Variants in ZNF701 observed in about 807,000 individuals in gnomAD.
ZNF701 encodes zinc finger protein 701.
A neutral mutation model predicts 7.1 loss-of-function variants in ZNF701; 6 were observed. The ratio of observed to expected loss-of-function variants is 0.84; its 90% CI spans 0.46 to 1.66. ZNF701 has a LOEUF of 1.66. Among genes scored for constraint, ZNF701 ranks in the 40% most tolerant of loss-of-function variants. The pLI is 0.01. For missense variants in ZNF701, 541 were observed against 559.2 expected, an observed-to-expected ratio of 0.97 and a Z score of 0.33; for synonymous variants, 166 against 188.2, an observed-to-expected ratio of 0.88 and a Z score of 0.97.
At position 52,582,432 on chromosome 19, in the gene ZNF701, C is replaced by T. The variant is rs780610486; in HGVS notation, c.373C>T (p.Arg125Ter). Reference sequence around the variant, plus strand: ...CAAAAAGTTGATGAGTAGTACAGAGCGACATGATCAAAGGCATGCTGGAAA... The same window carrying T: ...CAAAAAGTTGATGAGTAGTACAGAGTGACATGATCAAAGGCATGCTGGAAA... ...KTKKLMSSTE[R>*]HDQRHAGNKP... The change falls in exon 4 of 4, where the codon CGA becomes TGA. Residue 125 changes from arginine to a stop codon, truncating the protein, a stop_gained. Coordinates refer to ENST00000391785, the MANE Select transcript of ZNF701 (RefSeq NM_018260.3). LOFTEE classifies it low-confidence loss of function (END_TRUNC). The T allele has an allele frequency of 2.6e-5, 42 of 1,613,998 alleles. No individual in the cohort carries two copies. The Middle Eastern group carries it at 5.0e-4, about 19-fold the overall frequency.
chr19:52,592,240 AT>A, the ZNF701 span: 1 of 1,571,676 alleles, frequency 6.4e-7, no homozygotes, highest in East Asian at 2.2e-5. Context: ...TGAGGAAAAT[AT>A]CCCTCCAGAC....
chr19:52,575,571 G>C (rs1406300712), intron 2 of ZNF701: 4 of 351,452 alleles, frequency 1.1e-5, no homozygotes, highest in African/African-American at 2.2e-5. Flanking sequence ...TGCAATCGCA[G>C]CTCACTGAAA....
At chr19:52,599,802 C>T in the ZNF701 span, among the ~76,000 whole-genome samples, 64 of 152,146 alleles carry the variant, frequency 4.2e-4, no homozygotes, top group Non-Finnish European at 7.6e-4. Flanking sequence ...CAGTTTCTGT[C>T]GGATTGTAGG....
chr19:52,597,991 C>G, the ZNF701 span: 2 of 152,908 alleles, frequency 1.3e-5, no homozygotes, highest in African/African-American at 2.4e-5. Flanking sequence ...GTCGCCCAGG[C>G]TGGAGGGCAG....
intron 1 of ZNF701, chr19:52,570,855 G>A (rs1568498589): frequency 6.6e-6 from 1 of 152,416 alleles, no homozygotes; most frequent in East Asian, 1.9e-4. Flanking sequence ...AGCCAGCGTT[G>A]GGGAGGTGCC....
chr19:52,578,694 T>G (rs1278280371), intron 3 of ZNF701, among the ~76,000 whole-genome samples: 1 of 152,254 alleles, frequency 6.6e-6, no homozygotes, highest in Non-Finnish European at 1.5e-5. Context: ...CTTTTAGTTC[T>G]TTGTAAACAT....
chr19:52,600,003 G>C, the ZNF701 span, among the ~76,000 whole-genome samples: 1 of 152,120 alleles, frequency 6.6e-6, no homozygotes. Context: ...CCTGAGGACT[G>C]ATTAGTGTTT....
At chr19:52,580,394 T>C (rs943737277) in intron 3 of ZNF701, among the ~76,000 whole-genome samples, 1 of 151,938 alleles carries the variant, frequency 6.6e-6, no homozygotes, top group African/African-American at 2.4e-5. Flanking sequence ...CCAGCTAATG[T>C]TTTTGTATTT....
At chr19:52,576,217 G>A (rs991416672) in intron 3 of ZNF701, among the ~76,000 whole-genome samples, 196 bp downstream of exon 3, 8 of 152,186 alleles carry the variant, frequency 5.3e-5, no homozygotes, top group African/African-American at 1.9e-4. Flanking sequence ...TGATAGCTCA[G>A]TGGGGGTTCC....
At chr19:52,599,175 G>C in the ZNF701 span, among the ~76,000 whole-genome samples, 1 of 151,138 alleles carries the variant, frequency 6.6e-6, no homozygotes, top group Non-Finnish European at 1.5e-5. Flanking sequence ...TTACAGGTAT[G>C]AACCACTATG....
chr19:52,574,264 G>A, intron 2 of ZNF701, 102 bp downstream of exon 2: 2 of 1,540,786 alleles, frequency 1.3e-6, no homozygotes, highest in South Asian at 1.1e-5. Context: ...CTGCCTGACA[G>A]GTTTGCTCAC....
At chr19:52,598,007 C>T in the ZNF701 span, 9 of 152,676 alleles carry the variant, frequency 5.9e-5, no homozygotes, top group Non-Finnish European at 1.0e-4. Flanking sequence ...GGCAGTGGCG[C>T]GATCTCGGCT....
At chr19:52,581,448 G>C (rs1231600159) in intron 3 of ZNF701, among the ~76,000 whole-genome samples, 3 of 152,086 alleles carry the variant, frequency 2.0e-5, no homozygotes, top group African/African-American at 7.2e-5. Context: ...TCGAACTCCT[G>C]ACCTCAGGTG....
chr19:52,596,970 TATC>T, the ZNF701 span: 2 of 784,660 alleles, frequency 2.5e-6, no homozygotes, highest in Non-Finnish European at 4.3e-6. Context: ...GTCACTTTTT[TATC>T]ATCAAGCAAT....
downstream of ZNF701, chr19:52,588,600 C>A: frequency 2.5e-6 from 1 of 394,774 alleles, no homozygotes; most frequent in Non-Finnish European, 4.9e-6. Context: ...GAGCCAGGGA[C>A]GGCTCTTCCT....
At chr19:52,571,522 G>A (rs1458414455) in intron 1 of ZNF701, among the ~76,000 whole-genome samples, 1 of 152,066 alleles carries the variant, frequency 6.6e-6, no homozygotes, top group African/African-American at 2.4e-5. Context: ...ATGGAGCCCA[G>A]GTAATTTTTG....
chr19:52,594,880 A>C, the ZNF701 span, among the ~76,000 whole-genome samples: 1 of 152,156 alleles, frequency 6.6e-6, no homozygotes, highest in Non-Finnish European at 1.5e-5. Flanking sequence ...TCATCACATA[A>C]ACTAATGATC....
intron 1 of ZNF701, 102 bp from the exon 2 acceptor site, chr19:52,573,975 A>T: frequency 8.2e-7 from 1 of 1,216,810 alleles, no homozygotes; most frequent in South Asian, 1.4e-5. Flanking sequence ...AGCAGAGGTG[A>T]CCATATTTTT....
rs2059992635 is a variant in ZNF701 at position 52,583,858 on chromosome 19, A to G, written c.*401A>G. 1 of 500,324 alleles carries G rather than the reference A, an allele frequency of 2.0e-6. No homozygotes were observed. Among genetic ancestry groups the G allele is most frequent in the Non-Finnish European group, 3.9e-6 (1 of 259,540 alleles). 31.0% of individuals were successfully genotyped at this position (500,324 alleles called of 1,614,324 possible). A position where few individuals can be genotyped will look rare whatever the true frequency, so the allele number is the denominator to read the frequency against. ...ATTGCAAAACATTGGAGAATCCATA[A>G]TGAAGGAGGTCTTACAAGTGTAATA... On this transcript the variant is annotated 3_prime_UTR_variant, in exon 4 of 4. Coordinates refer to ENST00000391785, the MANE Select transcript of ZNF701 (RefSeq NM_018260.3).
Sources: gnomAD v4.1 joint callset for allele counts (sites outside exome capture counted in the v4.1 genomes callset) on GRCh38, gnomAD v4.1.1 for gene constraint, MANE v1.5 for transcripts, NCBI Gene and HGNC (gene_info 2026-07-23, HGNC 2026-07-21) for gene names.